Variants in COL25A1 observed in about 807,000 individuals in gnomAD.
The protein encoded by COL25A1 is collagen alpha-1(XXV) chain.
COL25A1 carries 103 observed loss-of-function variants against 128.4 expected under a neutral mutation model. The observed-to-expected ratio is 0.80, with a 90% CI of 0.68 to 0.94. COL25A1 has a LOEUF of 0.94. Ranked by LOEUF, COL25A1 falls within the 40% of genes least tolerant of loss-of-function variation. The probability of loss-of-function intolerance (pLI) is 0.00; values close to 1 mark genes in which losing one functional copy is unlikely to be tolerated. For synonymous variants in COL25A1, 279 were observed against 277.2 expected, an observed-to-expected ratio of 1.01 and a Z score of -0.06; for missense variants, 745 against 840.0, an observed-to-expected ratio of 0.89 and a Z score of 1.40.
At chr4:108,899,217 A>T in intron 14 of COL25A1, 37 bp from the exon 15 acceptor site, 1 of 1,572,694 alleles carries the variant, frequency 6.4e-7, no homozygotes, top group East Asian at 2.3e-5. Flanking sequence ...ACATCAAATC[A>T]TAAAACACCT....
chr4:109,063,875 A>C (rs916301080), intron 3 of COL25A1, among the ~76,000 whole-genome samples: 1 of 152,248 alleles, frequency 6.6e-6, no homozygotes, highest in Non-Finnish European at 1.5e-5. Flanking sequence ...GTAGTAAGAT[A>C]ATGGCATGAA....
intron 8 of COL25A1, among the ~76,000 whole-genome samples, chr4:108,955,274 G>A (rs967568237): frequency 6.6e-6 from 1 of 152,092 alleles, no homozygotes; most frequent in Non-Finnish European, 1.5e-5. Context: ...ATTATAAAGA[G>A]TTGAGATTAA....
Position 108,822,042 on chromosome 4 carries a change from A to G in COL25A1, c.1845+2132T>C, listed in dbSNP as rs1268899859. On this transcript the variant is annotated intron_variant, in intron 35 of 37. Coordinates refer to ENST00000399132, the MANE Select transcript of COL25A1 (RefSeq NM_198721.4). ...TAAACGTGAGTATCCTCCTAATGGT[A>G]ATTTTTTTTTTTTTTTTTGGGACAG... Among the ~76,000 whole-genome samples the G allele has an allele frequency of 2.2e-3, 27 of 12,504 alleles. No homozygotes were observed. In the Admixed American group the frequency reaches 0.036, roughly 17 times the overall value. The allele number at this position is 12,504 out of a possible 152,430, so 8.2% of individuals were successfully genotyped here.
intron 3 of COL25A1, among the ~76,000 whole-genome samples, chr4:109,080,024 G>T (rs1165155434): frequency 1.3e-5 from 2 of 152,062 alleles, no homozygotes; most frequent in Non-Finnish European, 2.9e-5. Flanking sequence ...ATTGGGCTGT[G>T]CCAACTTCTG....
intron 3 of COL25A1, among the ~76,000 whole-genome samples, chr4:109,066,588 G>A (rs1762472897): frequency 6.6e-6 from 1 of 152,176 alleles, no homozygotes; most frequent in South Asian, 2.1e-4. Context: ...TAGTGCCTAG[G>A]AGAATGGTAG....
At chr4:108,881,908 C>G (rs1396428238) in intron 19 of COL25A1, among the ~76,000 whole-genome samples, 1 of 152,162 alleles carries the variant, frequency 6.6e-6, no homozygotes, top group Non-Finnish European at 1.5e-5. Context: ...AGTTACCCAA[C>G]AGTACTTGAT....
intron 3 of COL25A1, among the ~76,000 whole-genome samples, chr4:109,086,521 G>A (rs1211721017): frequency 6.6e-6 from 1 of 152,018 alleles, no homozygotes; most frequent in Non-Finnish European, 1.5e-5. Context: ...CTTTATAGTC[G>A]GATTTGAACC....
chr4:109,297,983 T>C (rs1725152864), intron 3 of COL25A1, among the ~76,000 whole-genome samples: 2 of 149,302 alleles, frequency 1.3e-5, no homozygotes, highest in African/African-American at 4.9e-5. Flanking sequence ...AATCCGGAAT[T>C]ATCCAGGTCC....
intron 3 of COL25A1, among the ~76,000 whole-genome samples, chr4:109,257,956 G>A (rs1781184170): frequency 6.6e-6 from 1 of 152,098 alleles, no homozygotes; most frequent in Non-Finnish European, 1.5e-5. Flanking sequence ...TTAGGAAGTT[G>A]GTAAAATATG....
At chr4:109,131,589 T>C (rs1769206842) in intron 3 of COL25A1, among the ~76,000 whole-genome samples, 1 of 152,132 alleles carries the variant, frequency 6.6e-6, no homozygotes, top group East Asian at 1.9e-4. Flanking sequence ...TACAGGGAGA[T>C]GAAAGCTGTG....
chr4:109,267,408 T>C (rs930982665), intron 3 of COL25A1, among the ~76,000 whole-genome samples: 11 of 152,130 alleles, frequency 7.2e-5, no homozygotes, highest in East Asian at 1.9e-4. Context: ...TCCTATTCAA[T>C]TGTATTTCTA....
intron 6 of COL25A1, among the ~76,000 whole-genome samples, chr4:108,975,246 G>C (rs1056319576): frequency 6.6e-6 from 1 of 152,214 alleles, no homozygotes; most frequent in Non-Finnish European, 1.5e-5. Flanking sequence ...CCTTAGGTCA[G>C]GAGTTCAAGA....
In COL25A1 at chr4:108,813,888, C is replaced by A. The variant is rs767366355; in HGVS notation, c.*39G>T. ...TCAACTATAAATATTAAAAATGGACCCTTATATACACAACTTCATGCTTGA... is the reference window on the plus strand; with the variant it reads ...TCAACTATAAATATTAAAAATGGACACTTATATACACAACTTCATGCTTGA... On this transcript the variant is annotated 3_prime_UTR_variant, in exon 38 of 38. Coordinates refer to ENST00000399132, the MANE Select transcript of COL25A1 (RefSeq NM_198721.4). The A allele has an allele frequency of 2.1e-5, 32 of 1,518,914 alleles. No homozygotes were observed. The highest frequency in any genetic ancestry group is 2.8e-5 in the Non-Finnish European group (31 of 1,107,650). 94.1% of individuals were successfully genotyped at this position (1,518,914 alleles called of 1,614,324 possible).
intron 8 of COL25A1, among the ~76,000 whole-genome samples, chr4:108,945,855 G>A (rs1387634702): frequency 1.3e-5 from 2 of 152,048 alleles, no homozygotes; most frequent in East Asian, 3.9e-4. Context: ...AGTAGAAATG[G>A]GGTTTCACCA....
At chr4:109,077,697 G>A (rs1763502013) in intron 3 of COL25A1, among the ~76,000 whole-genome samples, 1 of 152,178 alleles carries the variant, frequency 6.6e-6, no homozygotes, top group South Asian at 2.1e-4. Flanking sequence ...TTTTAAAATG[G>A]AAACAGACAG....
intron 3 of COL25A1, among the ~76,000 whole-genome samples, chr4:109,218,365 T>G (rs796228232): frequency 2.3e-5 from 3 of 128,640 alleles, no homozygotes; most frequent in African/African-American, 7.0e-5. Context: ...GGGTTTTTTT[T>G]TTTTTTTTTT....
At chr4:108,916,480 T>C (rs1270236621) in intron 13 of COL25A1, among the ~76,000 whole-genome samples, 1 of 152,206 alleles carries the variant, frequency 6.6e-6, no homozygotes, top group African/African-American at 2.4e-5. Context: ...TTTTGTTTCA[T>C]GTTAAAAGTT....
Position 108,896,674 on chromosome 4 carries a change from C to T in COL25A1, c.899G>A (p.Gly300Asp), listed in dbSNP as rs1291096638. The T allele has an allele frequency of 1.2e-6, 2 of 1,613,796 alleles. No individual in the cohort carries two copies. The highest frequency in any genetic ancestry group is 1.1e-5 in the South Asian group (1 of 91,068). The change falls in exon 16 of 38, where the codon GGC becomes GAC. Residue 300 changes from glycine to aspartate, a missense_variant. Physicochemically the swap from Gly to Asp is moderately conservative, Grantham distance 94. Transcript: ENST00000399132. ...TGTCTTACAAAACTGTACCTTTTCG[C>T]CTGTGTCACCCTTGGGGCCGTTCTC... ...AGENGPKGDT[G>D]EKGDPGSSAA...
chr4:109,163,270 T>A (rs1772752926), intron 3 of COL25A1, among the ~76,000 whole-genome samples: 1 of 152,192 alleles, frequency 6.6e-6, no homozygotes, highest in African/African-American at 2.4e-5. Flanking sequence ...TCAACCTACG[T>A]GGTCAAATCC....
Sources: gnomAD v4.1 joint callset for allele counts (sites outside exome capture counted in the v4.1 genomes callset) on GRCh38, gnomAD v4.1.1 for gene constraint, MANE v1.5 for transcripts, NCBI Gene and HGNC (gene_info 2026-07-23, HGNC 2026-07-21) for gene names.